Variants in CDH13 observed in about 807,000 individuals in gnomAD.
CDH13 encodes the protein cadherin-13.
A neutral mutation model predicts 63.8 loss-of-function variants in CDH13; 24 were observed. That is an observed-to-expected ratio of 0.38 (90% CI 0.27 to 0.53). CDH13 has a LOEUF of 0.53. CDH13 is among the 20% of genes least tolerant of loss of function. The pLI is 0.85. For synonymous variants in CDH13, 503 were observed against 355.3 expected, an observed-to-expected ratio of 1.42 and a Z score of -4.67; for missense variants, 1,049 against 903.1, an observed-to-expected ratio of 1.16 and a Z score of -2.07.
At chr16:83,263,971 T>G (rs180723616) in intron 5 of CDH13, among the ~76,000 whole-genome samples, 344 of 152,352 alleles carry the variant, frequency 2.3e-3, no homozygotes, top group Non-Finnish European at 3.7e-3. Context: ...TTTGTTCTTA[T>G]GTCAAGATCC....
At chr16:83,124,927 A>T (rs2035744304) in intron 3 of CDH13, among the ~76,000 whole-genome samples, 2 of 152,196 alleles carry the variant, frequency 1.3e-5, no homozygotes, top group Admixed American at 6.5e-5. Flanking sequence ...ATAGCTTTGT[A>T]GTATAATTTG....
At chr16:82,737,767 T>C (rs1448021755) in intron 1 of CDH13, among the ~76,000 whole-genome samples, 1 of 152,230 alleles carries the variant, frequency 6.6e-6, no homozygotes, top group African/African-American at 2.4e-5. Flanking sequence ...TCTAGGTTCT[T>C]TCACTGCATT....
intron 1 of CDH13, among the ~76,000 whole-genome samples, chr16:82,772,832 A>G (rs967926295): frequency 6.6e-6 from 1 of 152,202 alleles, no homozygotes; most frequent in Non-Finnish European, 1.5e-5. Flanking sequence ...CCAAATGCAA[A>G]GATTGAATAA....
intron 5 of CDH13, among the ~76,000 whole-genome samples, chr16:83,294,146 C>T (rs551222592): frequency 6.6e-5 from 10 of 152,016 alleles, no homozygotes; most frequent in South Asian, 2.1e-4. Context: ...TTACTGTGTA[C>T]GACATGATAT....
intron 4 of CDH13, among the ~76,000 whole-genome samples, chr16:83,158,086 T>C (rs1398082459): frequency 2.0e-5 from 3 of 151,956 alleles, no homozygotes; most frequent in Admixed American, 2.0e-4. Context: ...AGAAAGTGGG[T>C]TCCCTGTCTC....
intron 5 of CDH13, among the ~76,000 whole-genome samples, chr16:83,309,216 C>G (rs2089946488): frequency 6.6e-6 from 1 of 152,068 alleles, no homozygotes; most frequent in Non-Finnish European, 1.5e-5. Context: ...CCAGTGGGCT[C>G]CAAAGGGATT....
chr16:83,698,122 G>C (rs917557839), intron 10 of CDH13, among the ~76,000 whole-genome samples: 37 of 152,226 alleles, frequency 2.4e-4, no homozygotes. Context: ...ATGTTTGTTA[G>C]TTAACGAATG....
Position 83,068,556 on chromosome 16 carries a change from C to G in CDH13, c.366+36338C>G, listed in dbSNP as rs186844718. Among the ~76,000 whole-genome samples, 50 of 152,338 alleles carry G rather than the reference C, an allele frequency of 3.3e-4. 1 individual carries two copies. The highest frequency in any genetic ancestry group is 1.0e-3 in the African/African-American group (43 of 41,576). ...TTGTTGTAACCAGCCTCTTTAAACA[C>G]TATGGCCTGACCCTCTGAACCAGCC... On this transcript the variant is annotated intron_variant, in intron 3 of 13. Transcript: ENST00000567109.
chr16:83,087,671 CAAA>C (rs67228844), intron 3 of CDH13, among the ~76,000 whole-genome samples: 3,282 of 43,276 alleles, frequency 0.076, 24 homozygotes, highest in Non-Finnish European at 0.099. Context: ...CCCTCCGTCT[CAAA>C]AAAAAAAAAA....
chr16:83,651,004 G>A (rs1479978929), intron 8 of CDH13, among the ~76,000 whole-genome samples: 2 of 151,952 alleles, frequency 1.3e-5, no homozygotes, highest in Non-Finnish European at 2.9e-5. Context: ...TGGGGGCTGA[G>A]GCAGAAGGCT....
intron 7 of CDH13, among the ~76,000 whole-genome samples, chr16:83,487,695 G>A (rs752591778): frequency 3.3e-5 from 5 of 151,344 alleles, no homozygotes; most frequent in African/African-American, 7.3e-5. Flanking sequence ...TCCCACAGGC[G>A]TGGGGCCTTG....
intron 3 of CDH13, among the ~76,000 whole-genome samples, chr16:83,058,458 A>G (rs28542953): frequency 0.027 from 4,062 of 152,220 alleles, 188 homozygotes; most frequent in African/African-American, 0.091. Flanking sequence ...CCTTTTCCCA[A>G]CAGATGCATT....
intron 4 of CDH13, among the ~76,000 whole-genome samples, chr16:83,140,441 C>G (rs977574322): frequency 6.6e-6 from 1 of 152,138 alleles, no homozygotes; most frequent in Non-Finnish European, 1.5e-5. Flanking sequence ...TGTTCACTTT[C>G]TCATCTGATG....
chr16:82,761,017 C>CTTTTT lies in CDH13; in HGVS notation c.46-97320_46-97316dup, dbSNP rs35038319. On this transcript the variant is annotated intron_variant, in intron 1 of 13. Transcript: ENST00000567109. The stretch of plus-strand genomic sequence containing the variant: ...CTCTGGGGTTCACATTTCTTTCTTT[C>CTTTTT]TTTTTTTTTTTTTTTTTTTTTTTTT... Among the ~76,000 whole-genome samples, 22 of 40,486 alleles carry CTTTTT rather than the reference C, an allele frequency of 5.4e-4. 2 individuals carry two copies. Among genetic ancestry groups the CTTTTT allele is most frequent in the South Asian group, 2.9e-3 (2 of 678 alleles). The allele number at this position is 40,486 out of a possible 152,430, so 26.6% of individuals were successfully genotyped here.
At chr16:82,724,118 C>T (rs1403542341) in intron 1 of CDH13, among the ~76,000 whole-genome samples, 1 of 152,132 alleles carries the variant, frequency 6.6e-6, no homozygotes, top group African/African-American at 2.4e-5. Flanking sequence ...TTGAAAGATC[C>T]TACAATTGTG....
intron 12 of CDH13, among the ~76,000 whole-genome samples, chr16:83,780,980 A>G (rs1203598043): frequency 2.0e-5 from 3 of 152,164 alleles, no homozygotes; most frequent in Non-Finnish European, 4.4e-5. Flanking sequence ...ATAGTCTTCA[A>G]CCTCCAACCT....
intron 5 of CDH13, among the ~76,000 whole-genome samples, chr16:83,328,677 A>G (rs2090421312): frequency 6.6e-6 from 1 of 152,146 alleles, no homozygotes; most frequent in Non-Finnish European, 1.5e-5. Context: ...GTTTGAAGAT[A>G]TAGCTGATGG....
At chr16:83,592,930 C>T (rs932281410) in intron 7 of CDH13, among the ~76,000 whole-genome samples, 3 of 152,136 alleles carry the variant, frequency 2.0e-5, no homozygotes, top group African/African-American at 7.2e-5. Context: ...CATCGCTCGA[C>T]CTCTGCAGTG....
At chr16:82,713,558 C>T (rs574613443) in intron 1 of CDH13, among the ~76,000 whole-genome samples, 23 of 152,052 alleles carry the variant, frequency 1.5e-4, no homozygotes, top group African/African-American at 3.6e-4. Flanking sequence ...GTCAAGAGTA[C>T]GGACTCAGAG....
Sources: gnomAD v4.1 joint callset for allele counts (sites outside exome capture counted in the v4.1 genomes callset) on GRCh38, gnomAD v4.1.1 for gene constraint, MANE v1.5 for transcripts, NCBI Gene and HGNC (gene_info 2026-07-23, HGNC 2026-07-21) for gene names.